The following TRPM7 variants were observed in gnomAD, a reference collection of about 807,000 sequenced individuals.
TRPM7 encodes LTRPC ion channel family member 7.
A neutral mutation model predicts 229.7 loss-of-function variants in TRPM7; 134 were observed. That is an observed-to-expected ratio of 0.58 (90% confidence interval 0.51 to 0.67). The LOEUF (loss-of-function observed/expected upper bound fraction) is 0.67. Among genes scored for constraint, TRPM7 ranks in the 30% least tolerant of loss-of-function variants. The pLI is 0.00. For missense variants in TRPM7, 1,901 were observed against 2,210.0 expected, an observed-to-expected ratio of 0.86 and a Z score of 2.80; for synonymous variants, 699 against 715.2, an observed-to-expected ratio of 0.98 and a Z score of 0.36.
At chr15:50,652,639 G>A (rs932339303) in intron 3 of TRPM7, among the ~76,000 whole-genome samples, 1 of 118,884 alleles carries the variant, frequency 8.4e-6, no homozygotes, top group Non-Finnish European at 1.8e-5. Context: ...TTCTACATAC[G>A]TTCTTCCAAA....
At chr15:50,578,862 A>C (rs1428092392) in intron 30 of TRPM7, among the ~76,000 whole-genome samples, 198 bp from the exon 31 acceptor site, 1 of 150,902 alleles carries the variant, frequency 6.6e-6, no homozygotes, top group African/African-American at 2.4e-5. Context: ...ATATATATAT[A>C]TCCATATGTA....
At position 50,571,380 on chromosome 15, in the gene TRPM7, GAAAT is replaced by G. The variant is rs2053877224; in HGVS notation, c.5309-1229_5309-1226del. ...CACCAATTTAGGAACTTACTTTAAGGAAATAAAAGTAGCAGTGCATGAGAATGGT... is the reference window on the plus strand; with the variant it reads ...CACCAATTTAGGAACTTACTTTAAGGAAAAGTAGCAGTGCATGAGAATGGT... On this transcript the variant is annotated intron_variant, in intron 36 of 38. Transcript: ENST00000646667. Among the ~76,000 whole-genome samples the G allele has an allele frequency of 2.6e-5, 4 of 152,292 alleles. No homozygotes were observed. The South Asian group carries it at 8.3e-4, about 32-fold the overall frequency.
At chr15:50,620,273 T>G (rs777710752) in intron 12 of TRPM7, among the ~76,000 whole-genome samples, 8 of 151,904 alleles carry the variant, frequency 5.3e-5, no homozygotes, top group Non-Finnish European at 1.0e-4. Flanking sequence ...TTTGTAAACT[T>G]TCTTAAAACA....
At chr15:50,618,612 T>C (rs549072199) in intron 13 of TRPM7, among the ~76,000 whole-genome samples, 48 of 97,884 alleles carry the variant, frequency 4.9e-4, no homozygotes, top group Middle Eastern at 6.0e-3. Flanking sequence ...AATAAATAAA[T>C]AAACGTATGT....
intron 4 of TRPM7, among the ~76,000 whole-genome samples, chr15:50,645,751 G>T (rs1030688822): frequency 2.0e-5 from 3 of 152,192 alleles, no homozygotes; most frequent in Admixed American, 2.0e-4. Context: ...CTATATTAGA[G>T]ATAAATGAGA....
At chr15:50,645,745 A>G (rs1339117606) in intron 4 of TRPM7, among the ~76,000 whole-genome samples, 1 of 152,234 alleles carries the variant, frequency 6.6e-6, no homozygotes, top group Non-Finnish European at 1.5e-5. Context: ...TTAATACTAT[A>G]TTAGAGATAA....
intron 12 of TRPM7, among the ~76,000 whole-genome samples, chr15:50,621,248 CT>C (rs1464037126): frequency 6.7e-6 from 1 of 150,026 alleles, no homozygotes; most frequent in Non-Finnish European, 1.5e-5. Flanking sequence ...CACAGGTGAA[CT>C]TTTTAAAATA....
At chr15:50,679,647 T>C (rs1281453964) in intron 1 of TRPM7, among the ~76,000 whole-genome samples, 1 of 149,572 alleles carries the variant, frequency 6.7e-6, no homozygotes, top group Non-Finnish European at 1.5e-5. Context: ...CCAATTCTCA[T>C]GCCCCAGTCT....
chr15:50,566,880 G>T (rs1460292357), intron 38 of TRPM7, among the ~76,000 whole-genome samples: 1 of 151,960 alleles, frequency 6.6e-6, no homozygotes, highest in African/African-American at 2.4e-5. Context: ...TTCTTTGAAG[G>T]TATCAATAAA....
chr15:50,647,229 T>C (rs988805921), intron 4 of TRPM7, among the ~76,000 whole-genome samples: 1 of 152,090 alleles, frequency 6.6e-6, no homozygotes, highest in African/African-American at 2.4e-5. Context: ...CTCCCAAGTT[T>C]AGGTGATTAT....
chr15:50,634,181 C>T (rs911178309), intron 8 of TRPM7, among the ~76,000 whole-genome samples: 6 of 151,984 alleles, frequency 3.9e-5, no homozygotes, highest in African/African-American at 1.2e-4. Flanking sequence ...ATTAGCCAGA[C>T]GTGGTGGCTC....
chr15:50,628,005 G>A (rs555672866), intron 11 of TRPM7, 144 bp downstream of exon 11: 8 of 617,376 alleles, frequency 1.3e-5, no homozygotes, highest in East Asian at 5.7e-5. Context: ...AAACTGGATC[G>A]GAATGGTGTA....
intron 1 of TRPM7, among the ~76,000 whole-genome samples, chr15:50,672,449 A>G (rs940692405): frequency 9.2e-5 from 14 of 151,576 alleles, no homozygotes; most frequent in Admixed American, 5.9e-4. Flanking sequence ...GAAAATGACA[A>G]CTCCATTCAT....
intron 38 of TRPM7, among the ~76,000 whole-genome samples, chr15:50,563,721 C>G (rs971032653): frequency 7.2e-5 from 11 of 152,200 alleles, no homozygotes; most frequent in African/African-American, 2.7e-4. Flanking sequence ...TTATAGCAAG[C>G]CTGCCCGACC....
At chr15:50,655,437 G>GA (rs199686585) in intron 3 of TRPM7, among the ~76,000 whole-genome samples, 12,001 of 88,722 alleles carry the variant, frequency 0.14, 709 homozygotes, top group South Asian at 0.16. Context: ...CATCTCAAAG[G>GA]AAAAAAAAAA....
At chr15:50,582,803 C>A (rs993761012) in intron 29 of TRPM7, among the ~76,000 whole-genome samples, 1 of 152,082 alleles carries the variant, frequency 6.6e-6, no homozygotes, top group Non-Finnish European at 1.5e-5. Context: ...AGGGAATTTG[C>A]AAAATCAATC....
intron 3 of TRPM7, among the ~76,000 whole-genome samples, chr15:50,652,866 A>G (rs1435143066): frequency 6.6e-6 from 1 of 152,154 alleles, no homozygotes; most frequent in African/African-American, 2.4e-5. Context: ...CATTAGCATT[A>G]CAAGAAAAGA....
chr15:50,595,691 T>C (rs1205773511), intron 23 of TRPM7, among the ~76,000 whole-genome samples: 2 of 151,764 alleles, frequency 1.3e-5, no homozygotes, highest in Non-Finnish European at 2.9e-5. Flanking sequence ...TGAAACCTCA[T>C]CTCTACTAAA....
Position 50,558,082 on chromosome 15 carries a change from A to G in TRPM7, c.*3596T>C, listed in dbSNP as rs2053193989. The G allele has an allele frequency of 6.6e-6, 1 of 151,672 alleles. No individual in the cohort carries two copies. The highest frequency in any genetic ancestry group is 6.6e-5 in the Admixed American group (1 of 15,260). 9.4% of individuals were successfully genotyped at this position (151,672 alleles called of 1,614,324 possible). A position where few individuals can be genotyped will look rare whatever the true frequency, so the allele number is the denominator to read the frequency against. ...AGTAATAATGAACTTTAATAATCTT[A>G]AAAAAATACTTATTGGGGATAAGAA... On this transcript the variant is annotated 3_prime_UTR_variant, in exon 39 of 39. Coordinates refer to ENST00000646667, the MANE Select transcript of TRPM7 (RefSeq NM_017672.6).
Sources: allele counts gnomAD v4.1 joint callset (sites outside exome capture counted in the v4.1 genomes callset), GRCh38; gene constraint gnomAD v4.1.1; transcripts MANE v1.5; gene names NCBI Gene and HGNC (gene_info 2026-07-23, HGNC 2026-07-21).